PDE4D: variants seen among roughly 807,000 people sequenced by gnomAD.
PDE4D encodes 3',5'-cyclic-AMP phosphodiesterase 4D.
PDE4D carries 24 observed loss-of-function variants against 87.4 expected under a neutral mutation model. That is an observed-to-expected ratio of 0.27 (90% CI 0.20 to 0.39). The LOEUF (loss-of-function observed/expected upper bound fraction) is 0.39. Among genes scored for constraint, PDE4D ranks in the 10% least tolerant of loss-of-function variants. The pLI, the probability that PDE4D is intolerant of heterozygous loss-of-function variation, is 1.00. For synonymous variants in PDE4D, 384 were observed against 383.2 expected, an observed-to-expected ratio of 1.00 and a Z score of -0.02; for missense variants, 714 against 1,041.0, an observed-to-expected ratio of 0.69 and a Z score of 4.32.
At chr5:59,895,425 A>G (rs1020662953), upstream of PDE4D, among the ~76,000 whole-genome samples, 2 of 152,234 alleles carry the variant, frequency 1.3e-5, no homozygotes, top group African/African-American at 2.4e-5. Context: ...TTGTGTCTTA[A>G]GAGAAACAAG....
intron 1 of PDE4D, among the ~76,000 whole-genome samples, chr5:59,743,279 T>C (rs1052674432): frequency 6.6e-6 from 1 of 152,084 alleles, no homozygotes; most frequent in Non-Finnish European, 1.5e-5. Flanking sequence ...TTTCTAAACA[T>C]GACATAAAAG....
intron 5 of PDE4D, among the ~76,000 whole-genome samples, chr5:59,087,565 A>G (rs754009515): frequency 6.6e-6 from 1 of 152,180 alleles, no homozygotes; most frequent in African/African-American, 2.4e-5. Context: ...TGAAGAATAT[A>G]ATAAACCCTA....
rs989267301 is a variant in PDE4D at position 59,568,351 on chromosome 5, AT to A, written c.455+324816del. Among the ~76,000 whole-genome samples, 16 of 152,286 alleles carry A rather than the reference AT, an allele frequency of 1.1e-4. No individual in the cohort carries two copies. The East Asian group carries it at 3.1e-3, about 29-fold the overall frequency. The stretch of plus-strand genomic sequence containing the variant: ...TACTGATATACATAAATGCTGAATA[AT>A]TAAATGAGGGAGAATAAGCAAATCT... On this transcript the variant is annotated intron_variant, in intron 1 of 14. Transcript: ENST00000340635.
At chr5:59,889,633 G>T (rs1301646348) in intron 1 of PDE4D, among the ~76,000 whole-genome samples, 1 of 152,008 alleles carries the variant, frequency 6.6e-6, no homozygotes, top group Admixed American at 6.5e-5. Flanking sequence ...CAACCTTAGT[G>T]TATTATATTA....
intron 1 of PDE4D, among the ~76,000 whole-genome samples, chr5:59,787,417 A>G (rs1765296351): frequency 6.6e-6 from 1 of 152,112 alleles, no homozygotes; most frequent in Non-Finnish European, 1.5e-5. Flanking sequence ...TTGCTTTGGG[A>G]ATACTTTCTT....
At chr5:59,599,774 T>C (rs759661543) in intron 1 of PDE4D, among the ~76,000 whole-genome samples, 1 of 152,186 alleles carries the variant, frequency 6.6e-6, no homozygotes, top group Non-Finnish European at 1.5e-5. Context: ...GCATTGAGAC[T>C]GGGTTGCTCT....
At chr5:59,603,589 G>T (rs1401409340) in intron 1 of PDE4D, among the ~76,000 whole-genome samples, 1 of 151,840 alleles carries the variant, frequency 6.6e-6, no homozygotes, top group Non-Finnish European at 1.5e-5. Context: ...TAGTATGGAG[G>T]TTCTTTGAAT....
chr5:59,760,785 G>T (rs1334499034), intron 1 of PDE4D, among the ~76,000 whole-genome samples: 1 of 152,082 alleles, frequency 6.6e-6, no homozygotes, highest in Non-Finnish European at 1.5e-5. Flanking sequence ...TCACTATGTA[G>T]CCTAAATTGA....
At chr5:60,276,084 G>A (rs923706760) in intron 1 of PDE4D, among the ~76,000 whole-genome samples, 1 of 152,114 alleles carries the variant, frequency 6.6e-6, no homozygotes, top group Non-Finnish European at 1.5e-5. Flanking sequence ...ATAGACACTT[G>A]GGGAAAATGT....
chr5:60,406,864 A>C, intron 1 of PDE4D, among the ~76,000 whole-genome samples: 1 of 152,214 alleles, frequency 6.6e-6, no homozygotes, highest in East Asian at 1.9e-4. Flanking sequence ...TATGTTGAAA[A>C]AAAAATGGCA....
chr5:59,138,765 C>A (rs1170078367), intron 5 of PDE4D, among the ~76,000 whole-genome samples: 1 of 152,110 alleles, frequency 6.6e-6, no homozygotes, highest in Non-Finnish European at 1.5e-5. Flanking sequence ...AATGAGTGAG[C>A]CATTTTAGCT....
At chr5:59,523,348 A>G (rs879762284) in intron 1 of PDE4D, among the ~76,000 whole-genome samples, 3 of 152,214 alleles carry the variant, frequency 2.0e-5, no homozygotes, top group Non-Finnish European at 4.4e-5. Flanking sequence ...CCATGAAAAC[A>G]TTTCTAAGAT....
At chr5:59,444,682 G>A (rs1798100867) in intron 1 of PDE4D, among the ~76,000 whole-genome samples, 1 of 152,056 alleles carries the variant, frequency 6.6e-6, no homozygotes, top group Non-Finnish European at 1.5e-5. Context: ...CGTGATGTCA[G>A]GTGCCTGTAG....
intron 1 of PDE4D, among the ~76,000 whole-genome samples, chr5:59,301,993 T>C (rs769169777): frequency 2.5e-4 from 38 of 152,012 alleles, no homozygotes; most frequent in Middle Eastern, 3.4e-3. Context: ...AATGGCGGAG[T>C]TTGGCCTTCC....
chr5:59,004,395 G>C (rs1282366001), intron 6 of PDE4D, among the ~76,000 whole-genome samples: 1 of 152,100 alleles, frequency 6.6e-6, no homozygotes, highest in East Asian at 1.9e-4. Context: ...TATACATAAG[G>C]CTCTTAGAAC....
At chr5:59,123,638 T>C (rs1037946150) in intron 5 of PDE4D, among the ~76,000 whole-genome samples, 6 of 152,222 alleles carry the variant, frequency 3.9e-5, no homozygotes, top group Admixed American at 1.3e-4. Flanking sequence ...AAATGTTTTA[T>C]CCTCATTTCT....
intron 1 of PDE4D, among the ~76,000 whole-genome samples, chr5:60,485,886 G>A (rs778340156): frequency 6.6e-5 from 10 of 152,164 alleles, no homozygotes; most frequent in African/African-American, 1.9e-4. Flanking sequence ...GATGCAAGAC[G>A]TAAATACTCC....
At chr5:60,240,526 C>T (rs1746978291) in intron 1 of PDE4D, among the ~76,000 whole-genome samples, 1 of 152,096 alleles carries the variant, frequency 6.6e-6, no homozygotes, top group Non-Finnish European at 1.5e-5. Context: ...ACCTTAAGTA[C>T]GGCCAGGTAT....
intron 1 of PDE4D, among the ~76,000 whole-genome samples, chr5:59,412,483 G>T (rs1046440342): frequency 6.6e-6 from 1 of 152,296 alleles, no homozygotes; most frequent in Non-Finnish European, 1.5e-5. Context: ...ACTGATTATA[G>T]AGGGGAGCTG....
Sources: allele counts gnomAD v4.1 joint callset (sites outside exome capture counted in the v4.1 genomes callset), GRCh38; gene constraint gnomAD v4.1.1; transcripts MANE v1.5; gene names NCBI Gene and HGNC (gene_info 2026-07-23, HGNC 2026-07-21).